Variants in TLE1 observed in about 807,000 individuals in gnomAD.
The protein encoded by TLE1 is transducin-like enhancer protein 1.
In TLE1, 21 loss-of-function variants were observed where a neutral mutation model predicts 89.8. That is an observed-to-expected ratio of 0.23 (90% CI 0.17 to 0.34). The LOEUF is 0.34. Ranked by LOEUF, TLE1 falls within the 10% of genes least tolerant of loss-of-function variation. The probability of loss-of-function intolerance (pLI) is 1.00; values close to 1 mark genes in which losing one functional copy is unlikely to be tolerated. For synonymous variants in TLE1, 447 were observed against 407.6 expected, an observed-to-expected ratio of 1.10 and a Z score of -1.16; for missense variants, 795 against 1,031.2, an observed-to-expected ratio of 0.77 and a Z score of 3.14.
intron 8 of TLE1, among the ~76,000 whole-genome samples, chr9:81,626,796 G>C (rs148445717): frequency 1.3e-5 from 2 of 152,122 alleles, no homozygotes; most frequent in African/African-American, 4.8e-5. Context: ...CGATGCCTTC[G>C]TCACCACCCT....
chr9:81,644,441 T>C (rs1426790140), intron 6 of TLE1, among the ~76,000 whole-genome samples: 3 of 152,164 alleles, frequency 2.0e-5, no homozygotes, highest in Admixed American at 1.3e-4. Context: ...GAAAACATGC[T>C]AAGTAAAAGA....
intron 4 of TLE1, among the ~76,000 whole-genome samples, chr9:81,670,298 T>C (rs1292726640): frequency 6.6e-6 from 1 of 152,086 alleles, no homozygotes; most frequent in Admixed American, 6.5e-5. Flanking sequence ...ATACCAATAT[T>C]CTCACAATGC....
At chr9:81,674,317 T>C (rs1450551963) in intron 4 of TLE1, among the ~76,000 whole-genome samples, 8 of 152,192 alleles carry the variant, frequency 5.3e-5, no homozygotes, top group Admixed American at 3.9e-4. Context: ...ACTGTACTTA[T>C]AAGAAGCTCT....
At chr9:81,645,256 G>T (rs192443674) in intron 6 of TLE1, among the ~76,000 whole-genome samples, 2 of 151,472 alleles carry the variant, frequency 1.3e-5, no homozygotes, top group East Asian at 3.9e-4. Flanking sequence ...CTACTTGGGA[G>T]GGGAGGCTGA....
chr9:81,607,060 TAA>T (rs34328471), intron 14 of TLE1, among the ~76,000 whole-genome samples: 25,968 of 139,546 alleles, frequency 0.19, 3,901 homozygotes, highest in East Asian at 0.57. Context: ...CCAGTGTCTC[TAA>T]AAAAAAAAAA....
chr9:81,657,700 T>G (rs1049310772), intron 4 of TLE1, among the ~76,000 whole-genome samples: 3 of 152,130 alleles, frequency 2.0e-5, no homozygotes, highest in Non-Finnish European at 4.4e-5. Flanking sequence ...GAATCCCCCA[T>G]GGAAACCAAA....
In TLE1 at chr9:81,688,287, C is replaced by T. The variant is rs747185316; in HGVS notation, c.-47G>A. The T allele has an allele frequency of 3.9e-6, 6 of 1,523,458 alleles. No homozygotes were observed. The highest frequency in any genetic ancestry group is 2.3e-5 in the Admixed American group (1 of 43,344). The allele number at this position is 1,523,458 out of a possible 1,614,324, so 94.4% of individuals were successfully genotyped here. On this transcript the variant is annotated 5_prime_UTR_variant, in exon 1 of 20. Transcript: ENST00000376499. ...TCTGTTCCCCGGCAACTCAATTCTCCGGTCAATTTCCAACTTTAATCCCGC... is the reference window on the plus strand; with the variant it reads ...TCTGTTCCCCGGCAACTCAATTCTCTGGTCAATTTCCAACTTTAATCCCGC...
chr9:81,640,394 A>AT (rs1827956277), intron 6 of TLE1, among the ~76,000 whole-genome samples: 1 of 141,248 alleles, frequency 7.1e-6, no homozygotes. Context: ...AATTTCAAAA[A>AT]TTAAAAAAAA....
intron 16 of TLE1, 116 bp from the exon 17 acceptor site, chr9:81,587,944 G>GTGTGATCCCGCCAGTGTCTGC: frequency 1.7e-6 from 2 of 1,208,296 alleles, no homozygotes; most frequent in Non-Finnish European, 2.3e-6. Flanking sequence ...GTGTGTGTGT[G>GTGTGATCCCGCCAGTGTCTGC]TGATCCCGCC....
chr9:81,653,177 T>C (rs1588131344), intron 5 of TLE1, among the ~76,000 whole-genome samples: 1 of 152,156 alleles, frequency 6.6e-6, no homozygotes, highest in South Asian at 2.1e-4. Flanking sequence ...GAAGAGGCTG[T>C]TACAACAATA....
At chr9:81,593,471 G>T (rs984535299) in intron 14 of TLE1, among the ~76,000 whole-genome samples, 197 bp from the exon 15 acceptor site, 1 of 152,236 alleles carries the variant, frequency 6.6e-6, no homozygotes, top group South Asian at 2.1e-4. Context: ...GAAATCTAGC[G>T]TGTACCAAAT....
intron 14 of TLE1, chr9:81,600,176 G>T (rs1193583285): frequency 1.4e-6 from 1 of 693,010 alleles, no homozygotes; most frequent in Admixed American, 2.3e-5. Flanking sequence ...ACAAAAAGAG[G>T]CTTAATATAT....
chr9:81,687,786 G>A (rs942380295), intron 1 of TLE1, among the ~76,000 whole-genome samples: 25 of 152,046 alleles, frequency 1.6e-4, no homozygotes, highest in Non-Finnish European at 3.1e-4. Context: ...ATGACCCCGG[G>A]GACCAGAGGA....
At chr9:81,620,069 CAG>C (rs1825033613) in intron 9 of TLE1, among the ~76,000 whole-genome samples, 1 of 152,120 alleles carries the variant, frequency 6.6e-6, no homozygotes, top group African/African-American at 2.4e-5. Context: ...ATGAAAAATG[CAG>C]AGACCTTATT....
chr9:81,659,821 G>C (rs146556482), intron 4 of TLE1, among the ~76,000 whole-genome samples: 66 of 152,230 alleles, frequency 4.3e-4, no homozygotes, highest in African/African-American at 1.5e-3. Flanking sequence ...ATCTACTTGA[G>C]AGTTTCATCA....
chr9:81,688,193 C>T, intron 1 of TLE1, 24 bp downstream of exon 1: 1 of 1,599,804 alleles, frequency 6.3e-7, no homozygotes, highest in Non-Finnish European at 8.5e-7. Context: ...CCTGGCCCCC[C>T]ACCACCACCC....
At chr9:81,654,591 TC>T (rs542653016) in intron 4 of TLE1, among the ~76,000 whole-genome samples, 124 of 152,312 alleles carry the variant, frequency 8.1e-4, no homozygotes, top group Middle Eastern at 3.4e-3. Flanking sequence ...TCCGCCCGCC[TC>T]GGCCTCCCAA....
intron 8 of TLE1, among the ~76,000 whole-genome samples, chr9:81,631,010 AAC>A (rs142851574): frequency 0.023 from 3,429 of 152,340 alleles, 57 homozygotes; most frequent in South Asian, 0.042. Flanking sequence ...TTAGGCAGGA[AAC>A]ACAGCATATA....
At chr9:81,605,684 A>C (rs1417281344) in intron 14 of TLE1, among the ~76,000 whole-genome samples, 2 of 152,318 alleles carry the variant, frequency 1.3e-5, no homozygotes, top group East Asian at 3.9e-4. Context: ...AAACCTAGGC[A>C]ATACCATTCA....
Sources: allele counts gnomAD v4.1 joint callset (sites outside exome capture counted in the v4.1 genomes callset), GRCh38; gene constraint gnomAD v4.1.1; transcripts MANE v1.5; gene names NCBI Gene and HGNC (gene_info 2026-07-23, HGNC 2026-07-21).